Variants in IQCM observed in about 807,000 individuals in gnomAD.
IQCM encodes the protein IQ motif containing M.
Under a neutral mutation model 57.6 loss-of-function variants are expected in IQCM, and 45 were observed. That is an observed-to-expected ratio of 0.78 (90% CI 0.62 to 1.00). IQCM has a LOEUF of 1.00. IQCM is among the 50% of genes least tolerant of loss of function. The pLI is 0.00. For synonymous variants in IQCM, 148 were observed against 158.9 expected, an observed-to-expected ratio of 0.93 and a Z score of 0.51; for missense variants, 468 against 511.6, an observed-to-expected ratio of 0.91 and a Z score of 0.82.
intron 13 of IQCM, among the ~76,000 whole-genome samples, chr4:149,371,552 C>T (rs1730369315): frequency 6.6e-6 from 1 of 152,168 alleles, no homozygotes; most frequent in Non-Finnish European, 1.5e-5. Context: ...GATGGAATTA[C>T]CTCTTCTGTT....
intron 9 of IQCM, among the ~76,000 whole-genome samples, chr4:149,566,543 CAAAG>C (rs1354129904): frequency 6.6e-6 from 1 of 151,420 alleles, no homozygotes; most frequent in Non-Finnish European, 1.5e-5. Context: ...AGAAAAGTGA[CAAAG>C]AAAGAGAGAC....
chr4:149,743,713 A>C (rs1767671332), intron 2 of IQCM, among the ~76,000 whole-genome samples: 1 of 152,162 alleles, frequency 6.6e-6, no homozygotes, highest in African/African-American at 2.4e-5. Flanking sequence ...AGCTCAGTGC[A>C]TTGCATTCTA....
chr4:149,568,990 G>A (rs1195671359), intron 9 of IQCM, among the ~76,000 whole-genome samples: 1 of 152,110 alleles, frequency 6.6e-6, no homozygotes, highest in Non-Finnish European at 1.5e-5. Flanking sequence ...CAATGGAAGT[G>A]ATAATGTGCC....
chr4:149,716,082 C>T (rs775037159), intron 5 of IQCM, among the ~76,000 whole-genome samples: 1 of 152,206 alleles, frequency 6.6e-6, no homozygotes, highest in Admixed American at 6.5e-5. Context: ...TGAGGCTTCA[C>T]TGGGATCTGC....
chr4:149,610,466 T>C (rs948482171), intron 8 of IQCM, among the ~76,000 whole-genome samples: 3 of 152,026 alleles, frequency 2.0e-5, no homozygotes, highest in African/African-American at 7.2e-5. Context: ...ATTACCTGAC[T>C]TCAAATTATA....
At chr4:149,639,887 C>T (rs1758043426) in intron 7 of IQCM, among the ~76,000 whole-genome samples, 1 of 152,176 alleles carries the variant, frequency 6.6e-6, no homozygotes, top group Non-Finnish European at 1.5e-5. Context: ...CAGACCACAC[C>T]ACTGCACTCC....
chr4:149,565,510 A>G (rs1173992775), intron 9 of IQCM, among the ~76,000 whole-genome samples: 1 of 152,132 alleles, frequency 6.6e-6, no homozygotes. Flanking sequence ...TCTATATTGT[A>G]TGTCATTTGA....
intron 7 of IQCM, among the ~76,000 whole-genome samples, chr4:149,630,463 A>T (rs1353865711): frequency 6.6e-6 from 1 of 152,238 alleles, no homozygotes; most frequent in African/African-American, 2.4e-5. Context: ...GGTCCTGGGG[A>T]AAAGTGGACA....
At chr4:149,695,714 A>G (rs1763284854) in intron 5 of IQCM, among the ~76,000 whole-genome samples, 1 of 152,148 alleles carries the variant, frequency 6.6e-6, no homozygotes, top group African/African-American at 2.4e-5. Context: ...TACATAATAG[A>G]TGAGATAGGT....
At chr4:149,697,622 A>G (rs779545804) in intron 5 of IQCM, among the ~76,000 whole-genome samples, 8 of 152,092 alleles carry the variant, frequency 5.3e-5, no homozygotes, top group Non-Finnish European at 1.2e-4. Flanking sequence ...AATCAAATAT[A>G]TAAGTTCCTA....
intron 5 of IQCM, among the ~76,000 whole-genome samples, chr4:149,726,138 A>AGAAAGAAAGAAAG (rs1765915399): frequency 6.8e-6 from 1 of 146,330 alleles, no homozygotes; most frequent in Non-Finnish European, 1.5e-5. Context: ...AAAGAAAGAA[A>AGAAAGAAAGAAAG]GAAAAGAAAG....
intron 5 of IQCM, among the ~76,000 whole-genome samples, chr4:149,721,224 T>G (rs962914553): frequency 6.6e-6 from 1 of 152,174 alleles, no homozygotes; most frequent in Non-Finnish European, 1.5e-5. Context: ...TCAATATGAT[T>G]TAAAGAATAC....
At chr4:149,533,688 C>A (rs1291846969) in intron 12 of IQCM, among the ~76,000 whole-genome samples, 1 of 151,916 alleles carries the variant, frequency 6.6e-6, no homozygotes, top group Non-Finnish European at 1.5e-5. Context: ...GAGGGAAAGC[C>A]CCTTATACAG....
chr4:149,563,154 T>C (rs1309732780), intron 10 of IQCM, among the ~76,000 whole-genome samples: 1 of 152,208 alleles, frequency 6.6e-6, no homozygotes, highest in African/African-American at 2.4e-5. Context: ...TGTATATGTG[T>C]GTAATTCTTT....
Position 149,733,501 on chromosome 4 carries a change from A to G in IQCM, c.128T>C (p.Val43Ala), listed in dbSNP as rs1001596026. The G allele has an allele frequency of 3.4e-5, 41 of 1,223,016 alleles. No homozygotes were observed. The highest frequency in any genetic ancestry group is 4.2e-5 in the Non-Finnish European group (41 of 979,842). The allele number at this position is 1,223,016 out of a possible 1,614,324, so 75.8% of individuals were successfully genotyped here. ...AAAAACATTTATAGAAGTACCTTGA[A>G]CTTTATTCTATGAATAAAACAAAAA... is the stretch of plus-strand genomic sequence containing the variant. ...QHYEKINENKVQGTSINVFRK... is the reference protein window; with the variant it reads ...QHYEKINENKAQGTSINVFRK... The change falls in exon 5 of 14, where the codon GTT (valine) becomes GCT (alanine). Residue 43 changes from valine to alanine, a missense_variant. By Grantham distance (64) the Val-to-Ala change is moderately conservative. Coordinates refer to ENST00000636793, the MANE Select transcript of IQCM (RefSeq NM_001363507.2).
chr4:149,813,654 T>C (rs1774797108), intron 2 of IQCM, among the ~76,000 whole-genome samples: 1 of 152,060 alleles, frequency 6.6e-6, no homozygotes. Context: ...CTATATGTCT[T>C]CCCCTACTCC....
chr4:149,690,628 G>A (rs1018983546), intron 5 of IQCM, among the ~76,000 whole-genome samples: 2 of 152,046 alleles, frequency 1.3e-5, no homozygotes, highest in Admixed American at 6.6e-5. Flanking sequence ...TAGATTATGT[G>A]CAAATACATA....
Position 149,691,477 on chromosome 4 carries a change from A to G in IQCM, c.386-5009T>C, listed in dbSNP as rs549455272. The stretch of plus-strand genomic sequence containing the variant: ...TGCTACCTTCAATGGACAGCATAAC[A>G]GTGAAAATCACTGCAGAAAAGTGAA... On this transcript the variant is annotated intron_variant, in intron 5 of 13. Transcript: ENST00000636793. Among the ~76,000 whole-genome samples the G allele has an allele frequency of 3.0e-4, 46 of 152,312 alleles. 1 individual carries two copies. Among genetic ancestry groups the G allele is most frequent in the African/African-American group, 9.6e-4 (40 of 41,574 alleles).
intron 8 of IQCM, among the ~76,000 whole-genome samples, chr4:149,588,568 G>A (rs1026329902): frequency 1.3e-5 from 2 of 151,798 alleles, no homozygotes; most frequent in African/African-American, 4.8e-5. Flanking sequence ...ATGGCTGAAT[G>A]AGGTCAAAAG....
Sources: allele counts gnomAD v4.1 joint callset (sites outside exome capture counted in the v4.1 genomes callset), GRCh38; gene constraint gnomAD v4.1.1; transcripts MANE v1.5; gene names NCBI Gene and HGNC (gene_info 2026-07-23, HGNC 2026-07-21).